Variants in PCBP3 observed in about 807,000 individuals in gnomAD.
The protein encoded by PCBP3 is poly(rC) binding protein 3, also known as poly(rC)-binding protein 3.
A neutral mutation model predicts 52.7 loss-of-function variants in PCBP3; 25 were observed. The ratio of observed to expected loss-of-function variants is 0.47; its 90% CI spans 0.35 to 0.66. PCBP3 has a LOEUF of 0.66. Ranked by LOEUF, PCBP3 falls within the 30% of genes least tolerant of loss-of-function variation. PCBP3 has a pLI of 0.01. For missense variants in PCBP3, 391 were observed against 490.3 expected, an observed-to-expected ratio of 0.80 and a Z score of 1.91; for synonymous variants, 162 against 183.0, an observed-to-expected ratio of 0.89 and a Z score of 0.93.
intron 4 of PCBP3, among the ~76,000 whole-genome samples, chr21:45,824,149 C>T (rs1348979519): frequency 6.6e-6 from 1 of 152,184 alleles, no homozygotes; most frequent in Admixed American, 6.5e-5. Context: ...TTGTCATTGT[C>T]TTGGGCAGGG....
chr21:45,787,411 A>ATT (rs761892935), intron 4 of PCBP3, among the ~76,000 whole-genome samples: 7 of 144,006 alleles, frequency 4.9e-5, no homozygotes, highest in African/African-American at 1.5e-4. Flanking sequence ...CACCTGGCTA[A>ATT]TTTTTTTTTT....
At chr21:45,693,466 T>C (rs2082599296) in intron 2 of PCBP3, among the ~76,000 whole-genome samples, 1 of 152,112 alleles carries the variant, frequency 6.6e-6, no homozygotes, top group South Asian at 2.1e-4. Context: ...AAGTAATCTT[T>C]TGGGGGTGAT....
intron 2 of PCBP3, among the ~76,000 whole-genome samples, chr21:45,708,287 G>T (rs1179749522): frequency 6.6e-6 from 1 of 152,156 alleles, no homozygotes; most frequent in Admixed American, 6.5e-5. Flanking sequence ...CCTGCAGAGG[G>T]TGGGCCACTT....
intron 1 of PCBP3, among the ~76,000 whole-genome samples, chr21:45,661,126 G>T (rs2080362933): frequency 6.6e-6 from 1 of 151,998 alleles, no homozygotes; most frequent in Non-Finnish European, 1.5e-5. Context: ...ATCTGTACTT[G>T]TTACAGTTTT....
intron 2 of PCBP3, among the ~76,000 whole-genome samples, chr21:45,727,454 G>A (rs2085134577): frequency 6.6e-6 from 1 of 152,228 alleles, no homozygotes; most frequent in African/African-American, 2.4e-5. Context: ...CTCCCTGGAA[G>A]CAGGAGCACG....
intron 1 of PCBP3, among the ~76,000 whole-genome samples, chr21:45,655,639 A>G (rs1215019868): frequency 1.3e-5 from 2 of 152,220 alleles, no homozygotes; most frequent in East Asian, 3.9e-4. Context: ...CAATGGCAAC[A>G]GAAGCCAAAA....
At chr21:45,927,213 A>G (rs1378446626) in intron 13 of PCBP3, among the ~76,000 whole-genome samples, 1 of 108,396 alleles carries the variant, frequency 9.2e-6, no homozygotes, top group Non-Finnish European at 2.0e-5. Context: ...GTGAAATAGA[A>G]AAGACAGTTT....
At position 45,827,670 on chromosome 21, in the gene PCBP3, G is replaced by A. The variant is rs1033602434; in HGVS notation, c.-125-22291G>A. Among the ~76,000 whole-genome samples the A allele has an allele frequency of 6.6e-6, 1 of 152,212 alleles. No homozygotes were observed. The highest frequency in any genetic ancestry group is 1.5e-5 in the Non-Finnish European group (1 of 68,038). On this transcript the variant is annotated intron_variant, in intron 4 of 17. Coordinates refer to ENST00000681687, the MANE Select transcript of PCBP3 (RefSeq NM_001384156.1). The surrounding 1 kb of genome is among the most constrained non-coding windows in gnomAD (Gnocchi z 4.3). ...TACACTGTGATGTATGCAGTTTTAT[G>A]TACATCAGTTACATCTCAGCCAAGC...
intron 2 of PCBP3, among the ~76,000 whole-genome samples, chr21:45,711,221 G>A (rs955491284): frequency 1.2e-4 from 18 of 152,166 alleles, no homozygotes; most frequent in Non-Finnish European, 2.1e-4. Context: ...AGCTGACAGA[G>A]CAAAGGAGAT....
intron 13 of PCBP3, among the ~76,000 whole-genome samples, chr21:45,921,680 G>A (rs566133573): frequency 5.3e-5 from 8 of 152,290 alleles, no homozygotes; most frequent in Admixed American, 1.3e-4. Flanking sequence ...TTAGCCAGAC[G>A]TGGTGGCACA....
Position 45,736,110 on chromosome 21 carries a change from C to T in PCBP3, c.-162+681C>T, listed in dbSNP as rs1202209605. Among the ~76,000 whole-genome samples, 1 of 152,220 alleles carries T rather than the reference C, an allele frequency of 6.6e-6. No homozygotes were observed. The highest frequency in any genetic ancestry group is 1.5e-5 in the Non-Finnish European group (1 of 68,038). On this transcript the variant is annotated intron_variant, in intron 3 of 17. Coordinates refer to ENST00000681687, the MANE Select transcript of PCBP3 (RefSeq NM_001384156.1). The surrounding 1 kb of genome is among the most constrained non-coding windows in gnomAD (Gnocchi z 4.6). ...AGGAACTTGGTGTATATTTGCAGTTCTGCATGGAAAACTAATGGAGTCATG... is the reference window on the plus strand; with the variant it reads ...AGGAACTTGGTGTATATTTGCAGTTTTGCATGGAAAACTAATGGAGTCATG...
chr21:45,732,037 T>A (rs1294448342), intron 2 of PCBP3, among the ~76,000 whole-genome samples: 1 of 152,194 alleles, frequency 6.6e-6, no homozygotes, highest in East Asian at 1.9e-4. Context: ...GTTTTGTACT[T>A]CTTTTAATAT....
At position 45,837,436 on chromosome 21, in the gene PCBP3, G is replaced by A. The variant is rs1233394669; in HGVS notation, c.-125-12525G>A. Among the ~76,000 whole-genome samples, 1 of 152,256 alleles carries A rather than the reference G, an allele frequency of 6.6e-6. No homozygotes were observed. Among genetic ancestry groups the A allele is most frequent in the Admixed American group, 6.5e-5 (1 of 15,290 alleles). ...CCAGGATGCTGGCTCTTGGAGCCTA[G>A]GGATGGCGCTGTGAGAACAGGCCAC... On this transcript the variant is annotated intron_variant, in intron 4 of 17. Transcript: ENST00000681687. This position sits in a 1 kb window ranked among gnomAD's most constrained non-coding sequence, Gnocchi z 4.1.
chr21:45,873,796 CTTGT>C (rs1450822855), intron 5 of PCBP3, among the ~76,000 whole-genome samples: 3 of 152,280 alleles, frequency 2.0e-5, no homozygotes, highest in Non-Finnish European at 4.4e-5. Context: ...GTTGGGTTTT[CTTGT>C]TTGTTTGTTT....
At chr21:45,646,107 C>CTCTCTCTG (rs1555895746) in intron 1 of PCBP3, among the ~76,000 whole-genome samples, 115 of 83,810 alleles carry the variant, frequency 1.4e-3, no homozygotes, top group Non-Finnish European at 2.1e-3. Flanking sequence ...CTCTCTCTCT[C>CTCTCTCTG]TGTGTGTGTG....
chr21:45,716,783 A>C (rs538654459), intron 2 of PCBP3, among the ~76,000 whole-genome samples: 4 of 152,114 alleles, frequency 2.6e-5, no homozygotes, highest in African/African-American at 7.2e-5. Context: ...TAAGTTTTCA[A>C]ATTGGGAAAT....
At chr21:45,653,581 A>G (rs1603114162) in intron 1 of PCBP3, among the ~76,000 whole-genome samples, 2 of 152,178 alleles carry the variant, frequency 1.3e-5, no homozygotes, top group East Asian at 3.9e-4. Context: ...TTTACATACT[A>G]TCTTTGTTTT....
chr21:45,779,576 TC>T (rs1354982016), intron 4 of PCBP3, among the ~76,000 whole-genome samples: 1 of 152,208 alleles, frequency 6.6e-6, no homozygotes, highest in Non-Finnish European at 1.5e-5. Flanking sequence ...TTGCATCTCG[TC>T]ATCCATCTTG....
chr21:45,873,871 C>G (rs1387056736), intron 5 of PCBP3, among the ~76,000 whole-genome samples: 1 of 152,260 alleles, frequency 6.6e-6, no homozygotes, highest in African/African-American at 2.4e-5. Flanking sequence ...CCTCAGCTCA[C>G]TATACCCTCC....
Sources: gnomAD v4.1 joint callset for allele counts (sites outside exome capture counted in the v4.1 genomes callset) on GRCh38, gnomAD v4.1.1 for gene constraint, Gnocchi (gnomAD v3.1) non-coding constraint, MANE v1.5 for transcripts, NCBI Gene and HGNC (gene_info 2026-07-23, HGNC 2026-07-21) for gene names.